POLA1: variants seen among roughly 807,000 people sequenced by gnomAD.
POLA1 encodes DNA polymerase alpha 1, catalytic subunit.
In POLA1, 15 loss-of-function variants were observed where a neutral mutation model predicts 124.0. The ratio of observed to expected loss-of-function variants is 0.12; its 90% CI spans 0.08 to 0.19. The LOEUF (loss-of-function observed/expected upper bound fraction) is 0.19, where lower values mean the gene tolerates loss of function less well. Among genes scored for constraint, POLA1 ranks in the 10% least tolerant of loss-of-function variants. The pLI is 1.00. For missense variants in POLA1, 886 were observed against 1,103.4 expected, an observed-to-expected ratio of 0.80 and a Z score of 2.79; for synonymous variants, 408 against 389.4, an observed-to-expected ratio of 1.05 and a Z score of -0.56.
At chrX:24,930,787 G>A (rs1347969006) in intron 36 of POLA1, among the ~76,000 whole-genome samples, 1 of 112,003 alleles carries the variant, frequency 8.9e-6, no homozygotes, top group Non-Finnish European at 1.9e-5. Context: ...TTTGGGGGAG[G>A]AACAGTACAA....
intron 26 of POLA1, among the ~76,000 whole-genome samples, chrX:24,798,568 C>T (rs1281025553): frequency 1.8e-5 from 2 of 109,882 alleles, no homozygotes; most frequent in African/African-American, 6.6e-5. Flanking sequence ...GTTTATTGCC[C>T]ACCTTCATAT....
chrX:24,908,316 C>T (rs2047396268), intron 35 of POLA1, among the ~76,000 whole-genome samples: 1 of 109,084 alleles, frequency 9.2e-6, no homozygotes, highest in Admixed American at 9.8e-5. Context: ...TATACATGTG[C>T]CATGCTGGTG....
At chrX:24,788,800 ACTTCCTGTAGTGT>A in intron 26 of POLA1, 1 of 1,197,713 alleles carries the variant, frequency 8.3e-7, no homozygotes, top group East Asian at 3.0e-5. Context: ...CTGTAGCTCC[ACTTCCTGTAGTGT>A]CTTCCACATC....
chrX:24,694,379 A>G (rs767336876), intron 1 of POLA1, among the ~76,000 whole-genome samples: 1 of 112,917 alleles, frequency 8.9e-6, no homozygotes, highest in Non-Finnish European at 1.9e-5. Context: ...CTTGAACAGA[A>G]CAGATCTGTG....
chrX:24,727,145 A>G, intron 14 of POLA1, 74 bp downstream of exon 14: 1 of 882,545 alleles, frequency 1.1e-6, no homozygotes, highest in Non-Finnish European at 1.6e-6. Flanking sequence ...AAGTTAGGAA[A>G]TTGATCTATT....
intron 35 of POLA1, among the ~76,000 whole-genome samples, chrX:24,903,092 C>T (rs745570949): frequency 1.8e-5 from 2 of 112,326 alleles, no homozygotes; most frequent in South Asian, 7.3e-4. Context: ...GAGGTATTTG[C>T]GTATGTGTGT....
In POLA1 at chrX:24,772,175, G is replaced by T. The variant is rs188969590; in HGVS notation, c.2964+23183G>T. On this transcript the variant is annotated intron_variant, in intron 26 of 36. Transcript: ENST00000379068. ...CAATACCCCTATTTTAGGACTTTTC[G>T]TATTGTTTTCAGTGTTTTACAATTA... Among the ~76,000 whole-genome samples the T allele has an allele frequency of 9.0e-5, 10 of 110,750 alleles. No homozygotes were observed. In the East Asian group the frequency reaches 2.8e-3, roughly 31 times the overall value.
At chrX:24,952,746 A>G (rs1323512116) in intron 36 of POLA1, among the ~76,000 whole-genome samples, 5 of 112,413 alleles carry the variant, frequency 4.4e-5, no homozygotes, top group African/African-American at 1.6e-4. Flanking sequence ...CAAGAAAGAA[A>G]TGAGATATGT....
At chrX:24,984,720 C>T (rs896213625) in intron 36 of POLA1, among the ~76,000 whole-genome samples, 3 of 95,366 alleles carry the variant, frequency 3.1e-5, no homozygotes, top group African/African-American at 1.2e-4. Context: ...AGTGCAGTGG[C>T]GCGATCTCGG....
chrX:24,821,660 T>C lies in POLA1; in HGVS notation c.3561+77T>C. 5 of 752,976 alleles carry C rather than the reference T, an allele frequency of 6.6e-6. No homozygotes were observed. The South Asian group carries it at 1.3e-4, about 20-fold the overall frequency. 62.1% of individuals were successfully genotyped at this position (752,976 alleles called of 1,213,427 possible). On this transcript the variant is annotated intron_variant, in intron 31 of 36. Coordinates refer to ENST00000379068, the MANE Select transcript of POLA1 (RefSeq NM_001330360.2). ...AAATCCAAATTACCACAGTGTCTTATTTAGCATTCTCCCCAATAATTGATG... is the reference window on the plus strand; with the variant it reads ...AAATCCAAATTACCACAGTGTCTTACTTAGCATTCTCCCCAATAATTGATG...
At chrX:24,893,830 A>T (rs1429433921) in intron 35 of POLA1, among the ~76,000 whole-genome samples, 1 of 111,747 alleles carries the variant, frequency 8.9e-6, no homozygotes, top group African/African-American at 3.3e-5. Flanking sequence ...GTACACTTTT[A>T]AAGTTTATTT....
intron 35 of POLA1, among the ~76,000 whole-genome samples, chrX:24,901,216 C>G (rs2047273228): frequency 9.0e-6 from 1 of 111,147 alleles, no homozygotes; most frequent in South Asian, 3.8e-4. Flanking sequence ...GGGACTGGCA[C>G]AAGTAGGGTT....
intron 36 of POLA1, among the ~76,000 whole-genome samples, chrX:24,936,086 T>C (rs1364879030): frequency 1.8e-5 from 2 of 112,475 alleles, no homozygotes; most frequent in Non-Finnish European, 3.8e-5. Context: ...CTGTTCTGTG[T>C]TCCCCATCAG....
rs5901766 is a variant in POLA1, at chrX:24,948,351, G to GTT, written c.4261+17812_4261+17813dup. On this transcript the variant is annotated intron_variant, in intron 36 of 36. Transcript: ENST00000379068. ...ATTAAATATATCTATGCTACTTTCT[G>GTT]TTTTTTTTTTTCCTCCTTAAAAAGG... Among the ~76,000 whole-genome samples the GTT allele has an allele frequency of 5.7e-3, 591 of 104,201 alleles. 2 individuals are homozygous for GTT. The highest frequency in any genetic ancestry group is 0.024 in the East Asian group (79 of 3,337). The allele number at this position is 104,201 out of a possible 115,157, so 90.5% of individuals were successfully genotyped here. A position where few individuals can be genotyped will look rare whatever the true frequency, so the allele number is the denominator to read the frequency against.
At chrX:24,728,824 G>A (rs1001999514) in intron 15 of POLA1, among the ~76,000 whole-genome samples, 8 of 111,720 alleles carry the variant, frequency 7.2e-5, no homozygotes, top group African/African-American at 2.6e-4. Context: ...GAGTAGTAAC[G>A]GTGACCATAT....
intron 36 of POLA1, among the ~76,000 whole-genome samples, chrX:24,932,620 CA>C (rs2047799039): frequency 9.0e-6 from 1 of 111,122 alleles, no homozygotes; most frequent in Non-Finnish European, 1.9e-5. Context: ...CAATTCGGGG[CA>C]AAAATGGCAT....
chrX:24,882,383 T>C (rs1292084063), intron 34 of POLA1, among the ~76,000 whole-genome samples: 1 of 111,291 alleles, frequency 9.0e-6, no homozygotes, highest in African/African-American at 3.3e-5. Context: ...TACATGGGTA[T>C]ATTGCATGAC....
chrX:24,737,653 A>G lies in POLA1; in HGVS notation c.1952A>G (p.Glu651Gly). ...CATAATATTTATGGGTTTGAACTGG[A>G]AGTACTACTGCAGAGAATTAATGTG... Reference protein sequence around the residue: ...VGHNIYGFELEVLLQRINVCK... With the variant: ...VGHNIYGFELGVLLQRINVCK... The change falls in exon 19 of 37, where the codon GAA becomes GGA. Residue 651 changes from glutamate to glycine, a missense_variant. Coordinates refer to ENST00000379068, the MANE Select transcript of POLA1 (RefSeq NM_001330360.2). 8.6e-6 allele frequency: 10 copies of G among 1,161,473 alleles called. No homozygotes were observed. The highest frequency in any genetic ancestry group is 1.1e-5 in the Non-Finnish European group (9 of 851,148).
At chrX:24,976,060 C>T (rs900464120) in intron 36 of POLA1, among the ~76,000 whole-genome samples, 3 of 112,174 alleles carry the variant, frequency 2.7e-5, no homozygotes, top group Admixed American at 9.4e-5. Flanking sequence ...TCTTTAATAC[C>T]GACAAGTATA....
Sources: gnomAD v4.1 joint callset for allele counts (sites outside exome capture counted in the v4.1 genomes callset) on GRCh38, gnomAD v4.1.1 for gene constraint, MANE v1.5 for transcripts, NCBI Gene and HGNC (gene_info 2026-07-23, HGNC 2026-07-21) for gene names.